CCDC178: variants seen among roughly 807,000 people sequenced by gnomAD.
The protein encoded by CCDC178 is coiled-coil domain containing 178.
In CCDC178, 126 loss-of-function variants were observed where a neutral mutation model predicts 117.4. The ratio of observed to expected loss-of-function variants is 1.07; its 90% CI spans 0.93 to 1.24. CCDC178 has a LOEUF of 1.24. Among genes scored for constraint, CCDC178 ranks in the 50% most tolerant of loss-of-function variants. The pLI is 0.00. For synonymous variants in CCDC178, 283 were observed against 313.4 expected (o/e 0.90, Z 1.02); for missense variants, 1,030 against 986.9 (o/e 1.04, Z -0.59).
At chr18:33,343,017 G>T (rs2062836213) in intron 9 of CCDC178, among the ~76,000 whole-genome samples, 1 of 152,042 alleles carries the variant, frequency 6.6e-6, no homozygotes, top group Non-Finnish European at 1.5e-5. Context: ...GGGGTGATTA[G>T]CTTTCACCCT....
At chr18:32,959,716 A>C (rs1017391228) in intron 22 of CCDC178, among the ~76,000 whole-genome samples, 7 of 152,092 alleles carry the variant, frequency 4.6e-5, no homozygotes, top group Admixed American at 6.6e-5. Context: ...TTATATAATG[A>C]TGATGCTAAG....
chr18:33,267,889 G>T (rs1350795899), intron 12 of CCDC178, among the ~76,000 whole-genome samples: 1 of 151,322 alleles, frequency 6.6e-6, no homozygotes, highest in East Asian at 1.9e-4. Context: ...TTATCTATAA[G>T]AATAATAATC....
chr18:33,354,168 T>C (rs558772643), intron 7 of CCDC178, among the ~76,000 whole-genome samples: 1 of 152,150 alleles, frequency 6.6e-6, no homozygotes, highest in Admixed American at 6.6e-5. Context: ...GTACTGAGGG[T>C]CCCTGGTACA....
chr18:33,416,816 C>A (rs539340547), intron 2 of CCDC178, among the ~76,000 whole-genome samples: 1 of 152,276 alleles, frequency 6.6e-6, no homozygotes, highest in East Asian at 1.9e-4. Context: ...ACAAGGCATT[C>A]CTCCTACCCC....
chr18:33,241,523 G>A (rs895359678), intron 15 of CCDC178, among the ~76,000 whole-genome samples: 1 of 150,994 alleles, frequency 6.6e-6, no homozygotes, highest in Non-Finnish European at 1.5e-5. Flanking sequence ...TTAAAGTTGC[G>A]AGATATAAAG....
intron 2 of CCDC178, among the ~76,000 whole-genome samples, chr18:33,438,975 T>C (rs1475432992): frequency 6.6e-6 from 1 of 152,204 alleles, no homozygotes; most frequent in African/African-American, 2.4e-5. Flanking sequence ...GTGTAATTGT[T>C]TTCCCACTCC....
intron 21 of CCDC178, among the ~76,000 whole-genome samples, chr18:33,022,292 CTT>C (rs1431309554): frequency 1.3e-5 from 2 of 152,070 alleles, no homozygotes; most frequent in African/African-American, 4.8e-5. Context: ...AGGAAGAAAA[CTT>C]AGAACGTTAG....
chr18:33,344,803 G>GCACACA (rs63067861), intron 9 of CCDC178, among the ~76,000 whole-genome samples: 50 of 120,878 alleles, frequency 4.1e-4, no homozygotes, highest in East Asian at 1.2e-3. Context: ...TGCCTCTAAA[G>GCACACA]CACACACACA....
rs57616619 is a variant in CCDC178 at position 33,211,020 on chromosome 18, C to T, written c.2238+876G>A. On this transcript the variant is annotated intron_variant, in intron 20 of 22. Transcript: ENST00000383096. ...TAGTCTTTAAAAAAAAGTTCTCACA[C>T]GTCTTTAGATATGTAAAAAGTAGGG... 7.3e-3 allele frequency among the ~76,000 whole-genome samples: 1,109 copies of T among 151,678 alleles called. 11 individuals carry two copies. The highest frequency in any genetic ancestry group is 0.026 in the African/African-American group (1,056 of 41,410).
intron 20 of CCDC178, among the ~76,000 whole-genome samples, chr18:33,129,482 G>T (rs2058046487): frequency 6.6e-6 from 1 of 151,798 alleles, no homozygotes. Flanking sequence ...AAAAAAAGTG[G>T]AACCCTGATA....
intron 22 of CCDC178, among the ~76,000 whole-genome samples, chr18:32,944,165 C>G (rs2054297149): frequency 6.6e-6 from 1 of 151,896 alleles, no homozygotes; most frequent in African/African-American, 2.4e-5. Context: ...TTTATCACAA[C>G]ACAGGATGTG....
chr18:33,162,267 G>A (rs1289522342), intron 20 of CCDC178, among the ~76,000 whole-genome samples: 1 of 152,006 alleles, frequency 6.6e-6, no homozygotes, highest in Non-Finnish European at 1.5e-5. Context: ...CACCAACACG[G>A]CACATGTATA....
At chr18:32,980,291 A>AT (rs1295403827) in intron 21 of CCDC178, among the ~76,000 whole-genome samples, 3 of 152,178 alleles carry the variant, frequency 2.0e-5, no homozygotes, top group Admixed American at 2.0e-4. Flanking sequence ...TCTTTAACAT[A>AT]TAAAAAGCCC....
At chr18:33,141,517 C>G (rs183824830) in intron 20 of CCDC178, among the ~76,000 whole-genome samples, 121 of 152,268 alleles carry the variant, frequency 7.9e-4, no homozygotes, top group African/African-American at 2.9e-3. Flanking sequence ...AAAGAACATA[C>G]AGAACACTGC....
chr18:33,369,370 G>A (rs1020434274), intron 6 of CCDC178, among the ~76,000 whole-genome samples: 1 of 151,688 alleles, frequency 6.6e-6, no homozygotes, highest in Non-Finnish European at 1.5e-5. Context: ...CCATCAGAAT[G>A]TTTGCTGAGC....
At chr18:32,949,372 G>A (rs1409298487) in intron 22 of CCDC178, among the ~76,000 whole-genome samples, 4 of 152,034 alleles carry the variant, frequency 2.6e-5, no homozygotes, top group Non-Finnish European at 5.9e-5. Flanking sequence ...AGACTCAAGT[G>A]TCACATTTAT....
At chr18:33,027,922 T>C (rs541838725) in intron 21 of CCDC178, among the ~76,000 whole-genome samples, 195 of 151,508 alleles carry the variant, frequency 1.3e-3, no homozygotes, top group African/African-American at 4.4e-3. Flanking sequence ...AAAATACTAG[T>C]CAAAAAAGAA....
intron 10 of CCDC178, among the ~76,000 whole-genome samples, chr18:33,328,806 A>G (rs796284247): frequency 1.2e-4 from 18 of 152,192 alleles, no homozygotes; most frequent in African/African-American, 4.3e-4. Context: ...ATTCCATGTA[A>G]ATATTAGGGT....
chr18:33,098,062 AC>A (rs2057569258), intron 20 of CCDC178, among the ~76,000 whole-genome samples: 1 of 152,080 alleles, frequency 6.6e-6, no homozygotes, highest in African/African-American at 2.4e-5. Context: ...TGGAGCTTCC[AC>A]CAGAGACACT....
Sources: allele counts gnomAD v4.1 joint callset (sites outside exome capture counted in the v4.1 genomes callset), GRCh38; gene constraint gnomAD v4.1.1; transcripts MANE v1.5; gene names NCBI Gene and HGNC (gene_info 2026-07-23, HGNC 2026-07-21).